Variants in PAQR9 observed in about 807,000 individuals in gnomAD.
The protein encoded by PAQR9 is membrane progestin receptor epsilon.
In PAQR9, 12 loss-of-function variants were observed where a neutral mutation model predicts 24.0. The ratio of observed to expected loss-of-function variants is 0.50; its 90% CI spans 0.32 to 0.81. PAQR9 has a LOEUF of 0.81. Among genes scored for constraint, PAQR9 ranks in the 30% least tolerant of loss-of-function variants. PAQR9 has a pLI of 0.03. For missense variants in PAQR9, 418 were observed against 520.8 expected (o/e 0.80, Z 1.92); for synonymous variants, 266 against 237.6 (o/e 1.12, Z -1.10).
downstream of PAQR9, among the ~76,000 whole-genome samples, chr3:142,954,408 A>C (rs36292): frequency 0.36 from 55,486 of 152,186 alleles, 10,672 homozygotes; most frequent in Middle Eastern, 0.47. Flanking sequence ...TAATATACTA[A>C]GGGTGCTTCA....
chr3:142,951,797 G>A, downstream of PAQR9: 1 of 456,628 alleles, frequency 2.2e-6, no homozygotes. Context: ...ATGAAAGTCA[G>A]CAGAGGAGAC....
chr3:142,962,240 T>C lies in PAQR9; in HGVS notation c.1097A>G (p.Lys366Arg), dbSNP rs186285877. 3.7e-6 allele frequency: 6 copies of C among 1,614,100 alleles called. No individual in the cohort carries two copies. Among genetic ancestry groups the C allele is most frequent in the Non-Finnish European group, 5.1e-6 (6 of 1,180,034 alleles). The change falls in exon 1 of 1, where the codon AAG becomes AGG. Residue 366 changes from lysine to arginine, a missense_variant. Physicochemically the swap from Lys to Arg is conservative, Grantham distance 26. Transcript: ENST00000340634. ...GCAGAATTCGGAGCTGTTTAGGAAC[T>C]TCCTGATTACCAGCCCCAGGCAGAC... ...LVVCLGLVIR[K>R]FLNSSEFCSK...
Position 142,963,602 on chromosome 3 carries a change from G to A in PAQR9, c.-266C>T, listed in dbSNP as rs950923702. On this transcript the variant is annotated 5_prime_UTR_variant, in exon 1 of 1. Coordinates refer to ENST00000340634, the MANE Select transcript of PAQR9 (RefSeq NM_198504.4). ...GCTTCCTCGCCAAGCCCCTGCTACC[G>A]GCGCGCGGCCGCCCGCGCTGCGGCA... 2 of 837,194 alleles carry A rather than the reference G, an allele frequency of 2.4e-6. No homozygotes were observed. The highest frequency in any genetic ancestry group is 6.3e-5 in the Admixed American group (1 of 15,826). The allele number at this position is 837,194 out of a possible 1,614,324, so 51.9% of individuals were successfully genotyped here.
chr3:142,958,922 G>C lies in PAQR9; in HGVS notation c.*3281C>G, dbSNP rs1934838718. The stretch of plus-strand genomic sequence containing the variant: ...GGCAGGGAAGAAAGGAACCCCATTA[G>C]CCAACTAAGTCAGTCTGAGTCAGCC... On this transcript the variant is annotated 3_prime_UTR_variant, in exon 1 of 1. Transcript: ENST00000340634. Among the ~76,000 whole-genome samples, 1 of 152,162 alleles carries C rather than the reference G, an allele frequency of 6.6e-6. No homozygotes were observed. The highest frequency in any genetic ancestry group is 6.5e-5 in the Admixed American group (1 of 15,278).
chr3:142,955,543 G>A lies in PAQR9; in HGVS notation c.*6660C>T, dbSNP rs1261306229. On this transcript the variant is annotated 3_prime_UTR_variant, in exon 1 of 1. Coordinates refer to ENST00000340634, the MANE Select transcript of PAQR9 (RefSeq NM_198504.4). ...CCTTTTTCTGGTCCATATAGTGATG[G>A]CATGGGGCTTATTCTTCTTTCTATT... is the stretch of plus-strand genomic sequence containing the variant. Among the ~76,000 whole-genome samples, 1 of 147,930 alleles carries A rather than the reference G, an allele frequency of 6.8e-6. No individual in the cohort carries two copies. The highest frequency in any genetic ancestry group is 1.5e-5 in the Non-Finnish European group (1 of 67,182).
chr3:142,952,648 G>T, downstream of PAQR9: 1 of 404,452 alleles, frequency 2.5e-6, no homozygotes, highest in African/African-American at 2.1e-5. Flanking sequence ...TCCTTTGTGA[G>T]TTACTTTGTT....
rs1283410060 is a variant in PAQR9 at position 142,958,941 on chromosome 3, G to A, written c.*3262C>T. On this transcript the variant is annotated 3_prime_UTR_variant, in exon 1 of 1. Coordinates refer to ENST00000340634, the MANE Select transcript of PAQR9 (RefSeq NM_198504.4). ...CCATTAGCCAACTAAGTCAGTCTGAGTCAGCCCCAGAGACCAACCCACGGG... is the reference window on the plus strand; with the variant it reads ...CCATTAGCCAACTAAGTCAGTCTGAATCAGCCCCAGAGACCAACCCACGGG... Among the ~76,000 whole-genome samples, 1 of 152,192 alleles carries A rather than the reference G, an allele frequency of 6.6e-6. No individual in the cohort carries two copies. The highest frequency in any genetic ancestry group is 1.9e-4 in the East Asian group (1 of 5,196).
rs1167918567 is a variant in PAQR9 at position 142,957,428 on chromosome 3, T to C, written c.*4775A>G. ...CCTATCTTTTTTACCTCTGACACTT[T>C]TTAATGATTTCCTCCAGATTAATGT... On this transcript the variant is annotated 3_prime_UTR_variant, in exon 1 of 1. Coordinates refer to ENST00000340634, the MANE Select transcript of PAQR9 (RefSeq NM_198504.4). Among the ~76,000 whole-genome samples, 2 of 152,230 alleles carry C rather than the reference T, an allele frequency of 1.3e-5. No individual in the cohort carries two copies. Among genetic ancestry groups the C allele is most frequent in the Admixed American group, 1.3e-4 (2 of 15,276 alleles).
At chr3:142,963,962 C>T, upstream of PAQR9, 1 of 874,168 alleles carries the variant, frequency 1.1e-6, no homozygotes, top group Non-Finnish European at 1.4e-6. Flanking sequence ...TAGAGTCGGC[C>T]CTGGGGTTCG....
At chr3:142,952,049 G>C (rs6803607), downstream of PAQR9, among the ~76,000 whole-genome samples, 6 of 140,382 alleles carry the variant, frequency 4.3e-5, no homozygotes, top group Admixed American at 2.8e-4. Flanking sequence ...GAAAAAGAAG[G>C]GGGGGGGGTG....
At chr3:142,950,592 A>G, downstream of PAQR9, 1 of 437,406 alleles carries the variant, frequency 2.3e-6, no homozygotes, top group Non-Finnish European at 4.6e-6. Context: ...GGTGGGAAAA[A>G]GGAACAAAAA....
chr3:142,962,818 G>C lies in PAQR9; in HGVS notation c.519C>G (p.Tyr173Ter). Residue 173 changes from tyrosine to a stop codon, truncating the protein, a stop_gained, in exon 1 of 1, where the codon TAC becomes TAG. Coordinates refer to ENST00000340634, the MANE Select transcript of PAQR9 (RefSeq NM_198504.4). LOFTEE classifies it high-confidence loss of function. Reference sequence around the variant, plus strand: ...AGCTGAGGCCTGGCAACAGGTAGTAGTAGTAGGCCACCGTGCTGCCGAAGC... The same window carrying C: ...AGCTGAGGCCTGGCAACAGGTAGTACTAGTAGGCCACCGTGCTGCCGAAGC... ...YYGFGSTVAYYYYLLPGLSLL... is the reference protein window; with the variant it reads ...YYGFGSTVAY The C allele has an allele frequency of 6.2e-7, 1 of 1,612,952 alleles. No homozygotes were observed. The highest frequency in any genetic ancestry group is 8.5e-7 in the Non-Finnish European group (1 of 1,179,836).
chr3:142,961,428 T>C lies in PAQR9; in HGVS notation c.*775A>G, dbSNP rs1432483138. On this transcript the variant is annotated 3_prime_UTR_variant, in exon 1 of 1. Transcript: ENST00000340634. Reference sequence around the variant, plus strand: ...AATAGTTTAACCAGAGTCCCTAAGGTAGAATTCACAGTTGTATCATGACAC... The same window carrying C: ...AATAGTTTAACCAGAGTCCCTAAGGCAGAATTCACAGTTGTATCATGACAC... 6.6e-6 allele frequency: 1 copy of C among 152,568 alleles called. No homozygotes were observed. Among genetic ancestry groups the C allele is most frequent in the Admixed American group, 6.5e-5 (1 of 15,278 alleles). The allele number at this position is 152,568 out of a possible 1,614,324, so 9.5% of individuals were successfully genotyped here.
chr3:142,958,419 C>T lies in PAQR9; in HGVS notation c.*3784G>A, dbSNP rs1292743747. Among the ~76,000 whole-genome samples the T allele has an allele frequency of 6.6e-6, 1 of 152,216 alleles. No individual in the cohort carries two copies. The highest frequency in any genetic ancestry group is 1.5e-5 in the Non-Finnish European group (1 of 68,040). On this transcript the variant is annotated 3_prime_UTR_variant, in exon 1 of 1. Coordinates refer to ENST00000340634, the MANE Select transcript of PAQR9 (RefSeq NM_198504.4). The stretch of plus-strand genomic sequence containing the variant: ...CTAATGCCAGTTTGAAAACTTAATC[C>T]TGTCACCTTGGACCAACTATAAAGC...
downstream of PAQR9, chr3:142,952,952 T>A (rs117909461): frequency 1.2e-3 from 558 of 451,802 alleles, 11 homozygotes; most frequent in East Asian, 0.03. Flanking sequence ...CAAGCAGATA[T>A]TTGGCACAGG....
At position 142,962,104 on chromosome 3, in the gene PAQR9, A is replaced by G; in HGVS notation, c.*99T>C. On this transcript the variant is annotated 3_prime_UTR_variant, in exon 1 of 1. Transcript: ENST00000340634. ...GGTTTTGCAGCACCTTCCTTGAGCA[A>G]AGAAGAAAACACAATGAAATTTGAA... The G allele has an allele frequency of 7.3e-7, 1 of 1,376,808 alleles. No individual in the cohort carries two copies. The highest frequency in any genetic ancestry group is 1.0e-6 in the Non-Finnish European group (1 of 1,001,480). The allele number at this position is 1,376,808 out of a possible 1,614,324, so 85.3% of individuals were successfully genotyped here. A position where few individuals can be genotyped will look rare whatever the true frequency, so the allele number is the denominator to read the frequency against.
In PAQR9 at chr3:142,959,525, G is replaced by A. The variant is rs894267606; in HGVS notation, c.*2678C>T. Among the ~76,000 whole-genome samples, 1 of 152,152 alleles carries A rather than the reference G, an allele frequency of 6.6e-6. No homozygotes were observed. ...GATGGAATAGGAAAGAACAGTGGACGAAGGAAAAGGCAAAGGGAAGAGGAA... is the reference window on the plus strand; with the variant it reads ...GATGGAATAGGAAAGAACAGTGGACAAAGGAAAAGGCAAAGGGAAGAGGAA... On this transcript the variant is annotated 3_prime_UTR_variant, in exon 1 of 1. Coordinates refer to ENST00000340634, the MANE Select transcript of PAQR9 (RefSeq NM_198504.4).
At chr3:142,949,321 T>C (rs1169725022) in exon 3 of PAQR9, 1 of 152,192 alleles carries the variant, frequency 6.6e-6, no homozygotes, top group Non-Finnish European at 1.5e-5. Context: ...GACAGTGAGG[T>C]AGGGATGAAC....
At chr3:142,951,179 G>A (rs1280276813), downstream of PAQR9, among the ~76,000 whole-genome samples, 2 of 152,172 alleles carry the variant, frequency 1.3e-5, no homozygotes, top group African/African-American at 2.4e-5. Flanking sequence ...GCCTCCCAAA[G>A]TGCTGGGATT....
Sources: gnomAD v4.1 joint callset for allele counts (sites outside exome capture counted in the v4.1 genomes callset) on GRCh38, gnomAD v4.1.1 for gene constraint, MANE v1.5 for transcripts, NCBI Gene and HGNC (gene_info 2026-07-23, HGNC 2026-07-21) for gene names.